SAMD5: variants seen among roughly 807,000 people sequenced by gnomAD.
The protein encoded by SAMD5 is sterile alpha motif domain-containing protein 5.
A neutral mutation model predicts 11.3 loss-of-function variants in SAMD5; 13 were observed. That is an observed-to-expected ratio of 1.15 (90% CI 0.75 to 1.83). The LOEUF is 1.83. Among genes scored for constraint, SAMD5 ranks in the 40% most tolerant of loss-of-function variants. The pLI, the probability that SAMD5 is intolerant of heterozygous loss-of-function variation, is 0.00. For synonymous variants in SAMD5, 129 were observed against 111.3 expected, an observed-to-expected ratio of 1.16 and a Z score of -1.00; for missense variants, 255 against 239.1, an observed-to-expected ratio of 1.07 and a Z score of -0.44.
At chr6:147,596,598 A>T (rs530158477) in intron 1 of SAMD5, among the ~76,000 whole-genome samples, 49 of 152,114 alleles carry the variant, frequency 3.2e-4, no homozygotes, top group Non-Finnish European at 6.5e-4. Flanking sequence ...AGTTATTAGC[A>T]CTCCAGTAGT....
chr6:147,640,056 G>A (rs574929416), intron 1 of SAMD5, among the ~76,000 whole-genome samples: 4 of 152,148 alleles, frequency 2.6e-5, no homozygotes, highest in Admixed American at 1.3e-4. Context: ...GGCTGGGCGC[G>A]GTGGCTCATG....
chr6:147,614,526 T>C (rs550420704), intron 1 of SAMD5, among the ~76,000 whole-genome samples: 1 of 150,454 alleles, frequency 6.6e-6, no homozygotes, highest in East Asian at 1.9e-4. Flanking sequence ...TGCAACAACG[T>C]GGAAGAATCT....
the SAMD5 span, among the ~76,000 whole-genome samples, chr6:147,762,981 CT>C: frequency 6.6e-6 from 1 of 151,936 alleles, no homozygotes; most frequent in Non-Finnish European, 1.5e-5. Flanking sequence ...TCATAGCTAC[CT>C]TTTTGTTTAT....
At chr6:147,798,455 T>C in the SAMD5 span, among the ~76,000 whole-genome samples, 11 of 148,798 alleles carry the variant, frequency 7.4e-5, no homozygotes, top group African/African-American at 1.0e-4. Context: ...ATCTCTGTTC[T>C]TTTACATTTG....
the SAMD5 span, among the ~76,000 whole-genome samples, chr6:147,793,427 T>C: frequency 2.6e-5 from 4 of 152,142 alleles, no homozygotes; most frequent in Non-Finnish European, 4.4e-5. Flanking sequence ...TTGTATTGGA[T>C]GGAATCCTGG....
At chr6:147,698,601 A>G (rs1475354355) in intron 1 of SAMD5, among the ~76,000 whole-genome samples, 1 of 152,152 alleles carries the variant, frequency 6.6e-6, no homozygotes, top group East Asian at 1.9e-4. Context: ...TCATTCATTC[A>G]TTCATCCACC....
chr6:147,904,094 A>G, the SAMD5 span, among the ~76,000 whole-genome samples: 205 of 152,164 alleles, frequency 1.3e-3, 1 homozygote, highest in Admixed American at 2.4e-3. Context: ...CTCTTAACCA[A>G]TCTCTACTAG....
intron 1 of SAMD5, among the ~76,000 whole-genome samples, chr6:147,677,222 A>G (rs1790876776): frequency 1.3e-5 from 2 of 152,128 alleles, no homozygotes; most frequent in African/African-American, 4.8e-5. Context: ...AGGCTAGGGA[A>G]TGACTTTGAG....
chr6:147,890,014 T>C, the SAMD5 span, among the ~76,000 whole-genome samples: 2 of 152,188 alleles, frequency 1.3e-5, no homozygotes, highest in African/African-American at 4.8e-5. Flanking sequence ...CTCTGCACCA[T>C]GGCTTAAAAA....
chr6:147,629,820 C>T (rs943819897), intron 1 of SAMD5, among the ~76,000 whole-genome samples: 8 of 152,098 alleles, frequency 5.3e-5, no homozygotes, highest in Admixed American at 1.3e-4. Flanking sequence ...CTTCCAGCTT[C>T]GAGTGGATAA....
chr6:147,707,171 G>A (rs933551380), intron 1 of SAMD5, among the ~76,000 whole-genome samples: 1 of 152,164 alleles, frequency 6.6e-6, no homozygotes, highest in Non-Finnish European at 1.5e-5. Context: ...ATATTGGTAA[G>A]AATATTGTGG....
At chr6:147,841,011 T>C in the SAMD5 span, among the ~76,000 whole-genome samples, 12 of 152,312 alleles carry the variant, frequency 7.9e-5, no homozygotes, top group Middle Eastern at 3.4e-3. Flanking sequence ...GTTTGAACTA[T>C]AAAAGTCAGA....
chr6:147,797,993 T>A, the SAMD5 span, among the ~76,000 whole-genome samples: 1 of 151,698 alleles, frequency 6.6e-6, no homozygotes, highest in African/African-American at 2.4e-5. Flanking sequence ...AGTCTATCAA[T>A]TTTGTTGATC....
chr6:147,791,092 C>T, the SAMD5 span, among the ~76,000 whole-genome samples: 9,013 of 151,778 alleles, frequency 0.059, 348 homozygotes, highest in Middle Eastern at 0.12. Flanking sequence ...GTCAGGAGTT[C>T]GAGACCAGCC....
intron 1 of SAMD5, among the ~76,000 whole-genome samples, chr6:147,511,711 A>G (rs951463352): frequency 6.6e-6 from 1 of 152,234 alleles, no homozygotes; most frequent in South Asian, 2.1e-4. Context: ...GTACACATAT[A>G]ATTAATATAC....
chr6:147,647,291 A>C (rs976886140), intron 1 of SAMD5, among the ~76,000 whole-genome samples: 3 of 152,206 alleles, frequency 2.0e-5, no homozygotes, highest in African/African-American at 7.2e-5. Flanking sequence ...AGAAACATTT[A>C]AAACATAGAA....
chr6:147,829,780 C>T, the SAMD5 span, among the ~76,000 whole-genome samples: 1 of 152,090 alleles, frequency 6.6e-6, no homozygotes, highest in Non-Finnish European at 1.5e-5. Context: ...AGCTGCAAAA[C>T]TGCCTGTGTG....
At chr6:147,783,952 A>T in the SAMD5 span, among the ~76,000 whole-genome samples, 69 of 152,286 alleles carry the variant, frequency 4.5e-4, no homozygotes, top group African/African-American at 1.6e-3. Flanking sequence ...TGTGCCTGCC[A>T]TTGGAGTCCT....
intron 1 of SAMD5, among the ~76,000 whole-genome samples, chr6:147,583,009 A>G (rs2128446417): frequency 6.6e-6 from 1 of 152,364 alleles, no homozygotes; most frequent in East Asian, 1.9e-4. Flanking sequence ...GTGTCTGAGA[A>G]AACCTTGTTA....
Sources: allele counts gnomAD v4.1 joint callset (sites outside exome capture counted in the v4.1 genomes callset), GRCh38; gene constraint gnomAD v4.1.1; transcripts MANE v1.5; gene names NCBI Gene and HGNC (gene_info 2026-07-23, HGNC 2026-07-21).